The following MAP3K13 variants were observed in gnomAD, a reference collection of about 807,000 sequenced individuals.
MAP3K13 encodes mitogen-activated protein kinase kinase kinase 13.
In MAP3K13, 52 loss-of-function variants were observed where a neutral mutation model predicts 104.0. That is an observed-to-expected ratio of 0.50 (90% CI 0.40 to 0.63). MAP3K13 has a LOEUF of 0.63. Ranked by LOEUF, MAP3K13 falls within the 20% of genes least tolerant of loss-of-function variation. The probability of loss-of-function intolerance (pLI) is 0.00; values close to 1 mark genes in which losing one functional copy is unlikely to be tolerated. For missense variants in MAP3K13, 914 were observed against 1,218.5 expected, an observed-to-expected ratio of 0.75 and a Z score of 3.72; for synonymous variants, 394 against 442.2, an observed-to-expected ratio of 0.89 and a Z score of 1.37.
chr3:185,461,245 A>T (rs1717081459), intron 7 of MAP3K13, among the ~76,000 whole-genome samples: 1 of 152,214 alleles, frequency 6.6e-6, no homozygotes. Context: ...CATAGACTGC[A>T]GTACTGTATT....
At chr3:185,356,893 T>G (rs762862793) in intron 2 of MAP3K13, among the ~76,000 whole-genome samples, 6 of 152,014 alleles carry the variant, frequency 3.9e-5, no homozygotes, top group Non-Finnish European at 7.4e-5. Flanking sequence ...TATGTATGTA[T>G]GTATGTATGT....
rs115480077 is a variant in MAP3K13 at position 185,451,202 on chromosome 3, A to G, written c.1170-85A>G. The G allele has an allele frequency of 6.3e-4, 604 of 953,704 alleles. No homozygotes were observed. The Middle Eastern group carries it at 7.9e-3, about 13-fold the overall frequency. The allele number at this position is 953,704 out of a possible 1,614,324, so 59.1% of individuals were successfully genotyped here. On this transcript the variant is annotated intron_variant, in intron 6 of 13. Transcript: ENST00000265026. Reference sequence around the variant, plus strand: ...CTCAGATATAGCCATTTTGAAGTAAACAATCTTCTTCATAAAGTAAAATAA... The same window carrying G: ...CTCAGATATAGCCATTTTGAAGTAAGCAATCTTCTTCATAAAGTAAAATAA...
chr3:185,376,780 A>G (rs1384627300), intron 1 of MAP3K13, among the ~76,000 whole-genome samples: 1 of 152,006 alleles, frequency 6.6e-6, no homozygotes, highest in African/African-American at 2.4e-5. Context: ...GGTTTGGGAG[A>G]TTAACCGGAC....
rs1224652107 is a variant in MAP3K13 at position 185,454,920 on chromosome 3, GAT to G, written c.1278+3534_1278+3535del. On this transcript the variant is annotated intron_variant, in intron 7 of 13. Coordinates refer to ENST00000265026, the MANE Select transcript of MAP3K13 (RefSeq NM_004721.5). Reference sequence around the variant, plus strand: ...AGATATATATATGATATATATATGAGATATATATATGATATATATATGAGATA... The same window carrying G: ...AGATATATATATGATATATATATGAGATATATATGATATATATATGAGATA... Among the ~76,000 whole-genome samples, 49 of 40,166 alleles carry G rather than the reference GAT, an allele frequency of 1.2e-3. 1 individual carries two copies. Among genetic ancestry groups the G allele is most frequent in the African/African-American group, 2.3e-3 (27 of 11,530 alleles). The allele number at this position is 40,166 out of a possible 152,430, so 26.4% of individuals were successfully genotyped here.
At chr3:185,366,795 C>A (rs1424461449) in intron 1 of MAP3K13, among the ~76,000 whole-genome samples, 1 of 152,116 alleles carries the variant, frequency 6.6e-6, no homozygotes, top group African/African-American at 2.4e-5. Flanking sequence ...ATCTTTTAAT[C>A]CTGACTTGCA....
At position 185,473,527 on chromosome 3, in the gene MAP3K13, C is replaced by T. The variant is rs1360755101; in HGVS notation, c.2196C>T (p.Cys732=). ...GCCQADAYDP[C]LQCRPEQYGS... ...GCCAGGCTGACGCTTATGACCCCTG[C>T]CTTCAGTGCAGGCCAGAACAGTATG... Residue 732 remains cysteine (C), a synonymous_variant, in exon 11 of 14, where the codon TGC becomes TGT. Coordinates refer to ENST00000265026, the MANE Select transcript of MAP3K13 (RefSeq NM_004721.5). The surrounding 1 kb of genome is among the most constrained non-coding windows in gnomAD (Gnocchi z 4.9). 5 of 1,614,232 alleles carry T rather than the reference C, an allele frequency of 3.1e-6. No individual in the cohort carries two copies. The highest frequency in any genetic ancestry group is 1.3e-5 in the African/African-American group (1 of 75,076).
chr3:185,351,137 C>G (rs887125151), intron 2 of MAP3K13, among the ~76,000 whole-genome samples: 2 of 152,170 alleles, frequency 1.3e-5, no homozygotes, highest in Non-Finnish European at 2.9e-5. Flanking sequence ...CGTGTTCTCA[C>G]TTATAAGTGG....
intron 2 of MAP3K13, among the ~76,000 whole-genome samples, chr3:185,338,558 A>G (rs1209598141): frequency 6.6e-6 from 1 of 152,232 alleles, no homozygotes; most frequent in Non-Finnish European, 1.5e-5. Context: ...GGTTCACTGA[A>G]TAAGGAAAAT....
chr3:185,473,008 C>T lies in MAP3K13; in HGVS notation c.1677C>T (p.Thr559=), dbSNP rs376092721. ...PDLLRSEGIP[T]TEVAPTASPL... ...TGTTGAGATCAGAAGGGATCCCCAC[C>T]ACAGAAGTGGCTCCCACTGCATCCC... The change falls in exon 11 of 14, where the codon ACC becomes ACT. Residue 559 remains threonine, a synonymous_variant. Coordinates refer to ENST00000265026, the MANE Select transcript of MAP3K13 (RefSeq NM_004721.5). This position sits in a 1 kb window ranked among gnomAD's most constrained non-coding sequence, Gnocchi z 4.9. 4.3e-6 allele frequency: 7 copies of T among 1,614,142 alleles called. No homozygotes were observed. Among genetic ancestry groups the T allele is most frequent in the Non-Finnish European group, 5.9e-6 (7 of 1,180,040 alleles).
chr3:185,321,839 G>A (rs577719970), intron 2 of MAP3K13, among the ~76,000 whole-genome samples: 31 of 152,216 alleles, frequency 2.0e-4, no homozygotes, highest in African/African-American at 5.8e-4. Flanking sequence ...CTTGACCTCA[G>A]GTGATCTGTC....
intron 2 of MAP3K13, among the ~76,000 whole-genome samples, chr3:185,291,110 C>A (rs1720720370): frequency 1.3e-5 from 2 of 152,130 alleles, no homozygotes; most frequent in South Asian, 4.1e-4. Context: ...GGCATTGTTT[C>A]TTTTTCTCCC....
Position 185,454,401 on chromosome 3 carries a change from TATATATATGAGATATATGAG to T in MAP3K13, c.1278+3017_1278+3036del, listed in dbSNP as rs1179128649. Among the ~76,000 whole-genome samples the T allele has an allele frequency of 1.3e-3, 25 of 19,236 alleles. 6 individuals are homozygous for T. The highest frequency in any genetic ancestry group is 2.4e-3 in the African/African-American group (25 of 10,572). 12.6% of individuals were successfully genotyped at this position (19,236 alleles called of 152,430 possible). A position where few individuals can be genotyped will look rare whatever the true frequency, so the allele number is the denominator to read the frequency against. ...TGAGATATATGAGATATATATGAGA[TATATATATGAGATATATGAG>T]ATATATATGATATATATGAGATATA... On this transcript the variant is annotated intron_variant, in intron 7 of 13. Coordinates refer to ENST00000265026, the MANE Select transcript of MAP3K13 (RefSeq NM_004721.5).
chr3:185,361,798 C>A (rs1376785221), upstream of MAP3K13, among the ~76,000 whole-genome samples: 1 of 152,196 alleles, frequency 6.6e-6, no homozygotes, highest in Non-Finnish European at 1.5e-5. Context: ...GTGTAAACTT[C>A]TTTGGTCTAT....
Position 185,457,139 on chromosome 3 carries a change from T to G in MAP3K13, c.1278+5744T>G, listed in dbSNP as rs55800606. Among the ~76,000 whole-genome samples, 3 of 16,558 alleles carry G rather than the reference T, an allele frequency of 1.8e-4. No homozygotes were observed. The East Asian group carries it at 5.8e-3, about 32-fold the overall frequency. The allele number at this position is 16,558 out of a possible 152,430, so 10.9% of individuals were successfully genotyped here. ...GTGCAGGGCAGCTAAGTTGCCACAG[T>G]CGGGTTCCTCACCTGAACCGCTCCC... is the stretch of plus-strand genomic sequence containing the variant. On this transcript the variant is annotated intron_variant, in intron 7 of 13. Transcript: ENST00000265026.
rs1251638602 is a variant in MAP3K13 at position 185,349,190 on chromosome 3, G to A, written c.-86+63547G>A. Reference sequence around the variant, plus strand: ...CAGGTTTGTTACATTGGTATATTGTGTCATGGTGGGGTTTGGGCTTCTATT... The same window carrying A: ...CAGGTTTGTTACATTGGTATATTGTATCATGGTGGGGTTTGGGCTTCTATT... On this transcript the variant is annotated intron_variant, in intron 2 of 14. Transcript: ENST00000424227. Among the ~76,000 whole-genome samples the A allele has an allele frequency of 3.3e-5, 5 of 151,282 alleles. No homozygotes were observed. In the East Asian group the frequency reaches 9.7e-4, roughly 29 times the overall value.
intron 1 of MAP3K13, among the ~76,000 whole-genome samples, chr3:185,425,842 A>C (rs1379687017): frequency 1.3e-5 from 2 of 152,104 alleles, no homozygotes; most frequent in African/African-American, 2.4e-5. Context: ...CTCTAGACAC[A>C]TTTTATATTT....
intron 2 of MAP3K13, among the ~76,000 whole-genome samples, chr3:185,436,417 A>G (rs900621564): frequency 6.6e-6 from 1 of 152,212 alleles, no homozygotes; most frequent in Non-Finnish European, 1.5e-5. Flanking sequence ...GCAATGTCAT[A>G]TAGGAGAGAA....
intron 2 of MAP3K13, among the ~76,000 whole-genome samples, chr3:185,305,099 C>T (rs1721247052): frequency 6.6e-6 from 1 of 152,156 alleles, no homozygotes; most frequent in African/African-American, 2.4e-5. Context: ...GTTCTGTTTA[C>T]ATTTGAAGTA....
intron 1 of MAP3K13, among the ~76,000 whole-genome samples, chr3:185,407,983 C>T (rs28642851): frequency 0.24 from 35,235 of 147,860 alleles, 4,785 homozygotes; most frequent in African/African-American, 0.38. Flanking sequence ...CTCAAGTGAT[C>T]CTCCCACCTC....
Sources: gnomAD v4.1 joint callset for allele counts (sites outside exome capture counted in the v4.1 genomes callset) on GRCh38, gnomAD v4.1.1 for gene constraint, Gnocchi (gnomAD v3.1) non-coding constraint, MANE v1.5 for transcripts, NCBI Gene and HGNC (gene_info 2026-07-23, HGNC 2026-07-21) for gene names.